MUC4: variants seen among roughly 807,000 people sequenced by gnomAD.
MUC4 encodes the protein mucin 4, cell surface associated.
In MUC4, 202 loss-of-function variants were observed where a neutral mutation model predicts 257.9. The observed-to-expected ratio is 0.78, with a 90% CI of 0.70 to 0.88. MUC4 has a LOEUF of 0.88. MUC4 is among the 40% of genes least tolerant of loss of function. The pLI, the probability that MUC4 is intolerant of heterozygous loss-of-function variation, is 0.00. For synonymous variants in MUC4, 2,351 were observed against 2,757.1 expected (o/e 0.85, Z 4.62); for missense variants, 5,976 against 6,513.7 (o/e 0.92, Z 2.84).
In MUC4 at chr3:195,761,410, G is replaced by T. The variant is rs533624020; in HGVS notation, c.14614+74C>A. On this transcript the variant is annotated intron_variant, in intron 15 of 24. Transcript: ENST00000463781. ...GAGGATGGAGGTCTGCTTCCTACAG[G>T]GCCGAGGGGGACGACATAAACATAC... The T allele has an allele frequency of 1.5e-4, 190 of 1,300,698 alleles. 4 individuals carry two copies. The South Asian group carries it at 2.0e-3, about 14-fold the overall frequency. The allele number at this position is 1,300,698 out of a possible 1,614,324, so 80.6% of individuals were successfully genotyped here.
chr3:195,769,731 C>T (rs532927447), intron 6 of MUC4: 37 of 163,040 alleles, frequency 2.3e-4, no homozygotes, highest in Admixed American at 1.1e-3. Context: ...GATGGTGTGG[C>T]GCACCCTGTG....
chr3:195,788,652 A>C lies in MUC4; in HGVS notation c.2928T>G (p.Pro976=), dbSNP rs758703661. The C allele has an allele frequency of 9.9e-6, 16 of 1,610,794 alleles. No individual in the cohort carries two copies. The East Asian group carries it at 3.1e-4, about 31-fold the overall frequency. The change falls in exon 2 of 25, where the codon CCT becomes CCG. Residue 976 remains proline (P), a synonymous_variant. Transcript: ENST00000463781. ...FTTALISNAT[P]LPVTYASSAS... is the part of the protein sequence containing the mutation. The stretch of plus-strand genomic sequence containing the variant: ...CCGAGGAAGCGTAGGTGACAGGAAG[A>C]GGGGTGGCGTTGCTGATGAGGGCCG...
rs755862242 is a variant in MUC4, at chr3:195,782,443, G to T, written c.9137C>A (p.Thr3046Asn). 6.8e-7 allele frequency: 1 copy of T among 1,468,378 alleles called. No individual in the cohort carries two copies. The highest frequency in any genetic ancestry group is 9.1e-7 in the Non-Finnish European group (1 of 1,099,226). 91.0% of individuals were successfully genotyped at this position (1,468,378 alleles called of 1,614,324 possible). A position where few individuals can be genotyped will look rare whatever the true frequency, so the allele number is the denominator to read the frequency against. Residue 3046 changes from threonine (T) to asparagine (N), a missense_variant, in exon 2 of 25, where the codon ACT becomes AAT. By Grantham distance (65) the Thr-to-Asn change is moderately conservative. Coordinates refer to ENST00000463781, the MANE Select transcript of MUC4 (RefSeq NM_018406.7). The part of the protein sequence containing the change: ...GHATPLPVTD[T>N]SSASTGHANP... ...GGCGTGACCTGTGGATGCTGAGGAA[G>T]TGTCGGTGACAGGAAGCGGGGTGGC...
At position 195,779,534 on chromosome 3, in the gene MUC4, G is replaced by A. The variant is rs557309068; in HGVS notation, c.12046C>T (p.Pro4016Ser). The A allele has an allele frequency of 1.0e-4, 126 of 1,214,752 alleles. 34 individuals carry two copies. Among genetic ancestry groups the A allele is most frequent in the African/African-American group, 9.4e-4 (50 of 53,352 alleles). The allele number at this position is 1,214,752 out of a possible 1,614,324, so 75.2% of individuals were successfully genotyped here. Residue 4016 changes from proline to serine, a missense_variant, in exon 2 of 25, where the codon CCT becomes TCT. Physicochemically the swap from Pro to Ser is moderately conservative, Grantham distance 74 (BLOSUM62 -1). Coordinates refer to ENST00000463781, the MANE Select transcript of MUC4 (RefSeq NM_018406.7). ...GAGGAAGGGCTGGTGACAGGAAGAGGGGTGGCGTGACCTGTAGATACTGAG... is the reference window on the plus strand; with the variant it reads ...GAGGAAGGGCTGGTGACAGGAAGAGAGGTGGCGTGACCTGTAGATACTGAG... ...TSSVSTGHAT[P>S]LPVTSPSSAS...
rs1332563638 is a variant in MUC4 at position 195,770,262 on chromosome 3, A to C, written c.13352T>G (p.Val4451Gly). Residue 4451 changes from valine to glycine, a missense_variant, in exon 6 of 25, where the codon GTC (valine) becomes GGC (glycine). Physicochemically the swap from Val to Gly is moderately radical, Grantham distance 109. This residue lies in a region of MUC4 where 996 missense variants were observed against 1,137.3 expected (regional missense o/e 0.88). Coordinates refer to ENST00000463781, the MANE Select transcript of MUC4 (RefSeq NM_018406.7). ...GGYKARWALK[V>G]TWVNAHAYPA... The stretch of plus-strand genomic sequence containing the variant: ...ATAGGCGTGGGCATTGACCCACGTG[A>C]CCTTTAGGGCCCACCTGGCCTTGTA... The C allele has an allele frequency of 6.2e-7, 1 of 1,613,610 alleles. No homozygotes were observed. The highest frequency in any genetic ancestry group is 8.5e-7 in the Non-Finnish European group (1 of 1,179,872).
In MUC4 at chr3:195,785,738, C is replaced by G; in HGVS notation, c.5842G>C (p.Gly1948Arg). ...GTGACAGGAAGAGGGGTGGTGTGAC[C>G]TGAGGATGCTGAGGAAGGGCTAGTG... ...PVTSPSSASS[G>R]HTTPLPVTDA... The change falls in exon 2 of 25, where the codon GGT (glycine) becomes CGT (arginine). Residue 1948 changes from glycine (G) to arginine (R), a missense_variant. Physicochemically the swap from Gly to Arg is moderately radical, Grantham distance 125. Coordinates refer to ENST00000463781, the MANE Select transcript of MUC4 (RefSeq NM_018406.7). The G allele has an allele frequency of 1.3e-6, 2 of 1,490,290 alleles. No individual in the cohort carries two copies. The highest frequency in any genetic ancestry group is 1.8e-6 in the Non-Finnish European group (2 of 1,107,070). The allele number at this position is 1,490,290 out of a possible 1,614,324, so 92.3% of individuals were successfully genotyped here.
In MUC4 at chr3:195,781,149, G is replaced by C. The variant is rs758911376; in HGVS notation, c.10431C>G (p.Ser3477Arg). 10 of 1,349,838 alleles carry C rather than the reference G, an allele frequency of 7.4e-6. No homozygotes were observed. In the South Asian group the frequency reaches 1.0e-4, roughly 14 times the overall value. 83.6% of individuals were successfully genotyped at this position (1,349,838 alleles called of 1,614,324 possible). ...TGDTTPLPVT[S>R]PSSASTGHTT... is the part of the protein sequence containing the mutation. ...TGTGACCTGTAGATGCTGAGGAAGG[G>C]CTGGTGACAGGAAGAGGGGTGGTGT... The change falls in exon 2 of 25, where the codon AGC (serine) becomes AGG (arginine). Residue 3477 changes from serine to arginine, a missense_variant. This residue lies in a region of MUC4 where 297 missense variants were observed against 240.9 expected (regional missense o/e 1.23). Transcript: ENST00000463781.
At chr3:195,748,690 C>G (rs911937984) in intron 24 of MUC4, among the ~76,000 whole-genome samples, 3 of 152,286 alleles carry the variant, frequency 2.0e-5, no homozygotes, top group African/African-American at 7.2e-5. Flanking sequence ...TAGTTCTAAG[C>G]CCCCCTATGG....
intron 1 of MUC4, among the ~76,000 whole-genome samples, chr3:195,809,220 T>C (rs1043117981): frequency 6.6e-6 from 1 of 152,228 alleles, no homozygotes; most frequent in African/African-American, 2.4e-5. Context: ...GAAACCCTCA[T>C]TGCGGCAGCT....
chr3:195,763,910 C>G, intron 11 of MUC4, 135 bp downstream of exon 11: 1 of 1,345,058 alleles, frequency 7.4e-7, no homozygotes, highest in Non-Finnish European at 1.0e-6. Flanking sequence ...GACCATCCAC[C>G]CATCACTGGC....
chr3:195,760,765 A>T lies in MUC4; in HGVS notation c.14848+119T>A, dbSNP rs1216551386. The T allele has an allele frequency of 3.7e-6, 3 of 818,974 alleles. No individual in the cohort carries two copies. The African/African-American group carries it at 5.1e-5, about 14-fold the overall frequency. The allele number at this position is 818,974 out of a possible 1,614,324, so 50.7% of individuals were successfully genotyped here. Reference sequence around the variant, plus strand: ...TGAAGGGTTTGAGCAGAGGAATGCCAGGAGTGGAAGAATCTGCTCAGTGAA... The same window carrying T: ...TGAAGGGTTTGAGCAGAGGAATGCCTGGAGTGGAAGAATCTGCTCAGTGAA... On this transcript the variant is annotated intron_variant, in intron 16 of 24. Transcript: ENST00000463781.
rs1722942143 is a variant in MUC4, at chr3:195,771,819, G to A, written c.13078-3C>T. On this transcript the variant is annotated splice_region_variant and splice_polypyrimidine_tract_variant and intron_variant, in intron 4 of 24. Coordinates refer to ENST00000463781, the MANE Select transcript of MUC4 (RefSeq NM_018406.7). ...ATGATCTGGCCATTGTCTGTGAACTGAGCACATGGGTTTTGTGGTCAGCAT... is the reference window on the plus strand; with the variant it reads ...ATGATCTGGCCATTGTCTGTGAACTAAGCACATGGGTTTTGTGGTCAGCAT... 6.2e-7 allele frequency: 1 copy of A among 1,613,234 alleles called. No individual in the cohort carries two copies.
intron 4 of MUC4, among the ~76,000 whole-genome samples, chr3:195,772,731 T>TCTCTCCATCGCTCAGGGGTGTAGACAC (rs1560277157): frequency 4.2e-3 from 209 of 49,898 alleles, no homozygotes; most frequent in East Asian, 6.9e-3. Flanking sequence ...GGTGTAGACA[T>TCTCTCCATCGCTCAGGGGTGTAGACAC]CCTCTCTCCA....
In MUC4 at chr3:195,786,754, G is replaced by T. The variant is rs1432807716; in HGVS notation, c.4826C>A (p.Ala1609Glu). The stretch of plus-strand genomic sequence containing the variant: ...AAGAGGGGTGGTGTGACCTGTAGAT[G>T]CTGAGGAAGGGCTGGTGACAGGAAG... Reference protein sequence around the residue: ...TPLPVTSPSSASTGHTTPLPV... With the variant: ...TPLPVTSPSSESTGHTTPLPV... Residue 1609 changes from alanine to glutamate, a missense_variant, in exon 2 of 25, where the codon GCA becomes GAA. By Grantham distance (107) the Ala-to-Glu change is moderately radical. Transcript: ENST00000463781. 6.7e-7 allele frequency: 1 copy of T among 1,497,602 alleles called. No homozygotes were observed. The highest frequency in any genetic ancestry group is 2.1e-5 in the Admixed American group (1 of 48,460). 92.8% of individuals were successfully genotyped at this position (1,497,602 alleles called of 1,614,324 possible). A position where few individuals can be genotyped will look rare whatever the true frequency, so the allele number is the denominator to read the frequency against.
At chr3:195,807,222 C>A (rs754556905) in intron 1 of MUC4, among the ~76,000 whole-genome samples, 1 of 152,236 alleles carries the variant, frequency 6.6e-6, no homozygotes, top group Non-Finnish European at 1.5e-5. Context: ...ATAATCCCAG[C>A]ACTTTGGGAG....
intron 7 of MUC4, among the ~76,000 whole-genome samples, chr3:195,767,886 T>TCACCACCACCATCACCACCAC (rs1721823592): frequency 1.4e-5 from 1 of 69,872 alleles, no homozygotes; most frequent in Non-Finnish European, 2.7e-5. Context: ...ATCACCACCA[T>TCACCACCACCATCACCACCAC]CACCACCACC....
Position 195,771,748 on chromosome 3 carries a change from G to A in MUC4, c.13146C>T (p.Leu4382=). ...GGTCCCGGCCTGTGAAGCCTGTTGG[G>A]AGTGGGTTGGGGTAGGAGAAAATCT... ...DYQIFSYPNP[L]PTGFTGRDPV... Residue 4382 remains leucine (L), a synonymous_variant, in exon 5 of 25, where the codon CTC becomes CTT. Coordinates refer to ENST00000463781, the MANE Select transcript of MUC4 (RefSeq NM_018406.7). 1.2e-6 allele frequency: 2 copies of A among 1,613,968 alleles called. No homozygotes were observed. The highest frequency in any genetic ancestry group is 1.3e-5 in the African/African-American group (1 of 75,040).
chr3:195,807,386 T>C (rs1188086269), intron 1 of MUC4, among the ~76,000 whole-genome samples: 1 of 152,066 alleles, frequency 6.6e-6, no homozygotes, highest in African/African-American at 2.4e-5. Flanking sequence ...GAGAATCTCT[T>C]GAACCCGGGA....
At chr3:195,775,402 TTCC>T (rs1724204892) in intron 3 of MUC4, among the ~76,000 whole-genome samples, 2 of 117,820 alleles carry the variant, frequency 1.7e-5, no homozygotes, top group Non-Finnish European at 3.9e-5. Flanking sequence ...CACCCATACC[TTCC>T]ACACCCATAC....
Sources: allele counts gnomAD v4.1 joint callset (sites outside exome capture counted in the v4.1 genomes callset), GRCh38; gene constraint gnomAD v4.1.1; regional missense constraint gnomAD v4.1.1; transcripts MANE v1.5; gene names NCBI Gene and HGNC (gene_info 2026-07-23, HGNC 2026-07-21).